Variants in SMC1A observed in about 807,000 individuals in gnomAD.
The protein encoded by SMC1A is structural maintenance of chromosomes 1A.
In SMC1A, 4 loss-of-function variants were observed where a neutral mutation model predicts 94.5. The ratio of observed to expected loss-of-function variants is 0.04; its 90% CI spans 0.02 to 0.10. The LOEUF (loss-of-function observed/expected upper bound fraction) is 0.10, where lower values mean the gene tolerates loss of function less well. Among genes scored for constraint, SMC1A ranks in the 10% least tolerant of loss-of-function variants. The pLI, the probability that SMC1A is intolerant of heterozygous loss-of-function variation, is 1.00. For missense variants in SMC1A, 304 were observed against 989.0 expected (o/e 0.31, Z 9.29); for synonymous variants, 345 against 347.7 (o/e 0.99, Z 0.09).
At chrX:53,422,112 G>A in intron 1 of SMC1A, 3 of 1,107,424 alleles carry the variant, frequency 2.7e-6, no homozygotes, top group East Asian at 3.0e-5. Flanking sequence ...TTCTCCGGAG[G>A]GGGTCAAGTA....
intron 15 of SMC1A, 62 bp downstream of exon 15, chrX:53,403,504 C>T: frequency 1.1e-6 from 1 of 926,654 alleles, no homozygotes; most frequent in African/African-American, 1.9e-5. Flanking sequence ...TCTGGTTTTC[C>T]AAGGATGTCA....
At chrX:53,412,838 C>A (rs1220524455) in intron 5 of SMC1A, 62 bp downstream of exon 5, 29 of 1,206,801 alleles carry the variant, frequency 2.4e-5, no homozygotes, top group Non-Finnish European at 3.0e-5. Flanking sequence ...CTCAGAGGAA[C>A]CCTAATAAAC....
chrX:53,414,890 T>G lies in SMC1A; in HGVS notation c.299-20A>C. 4.2e-6 allele frequency: 5 copies of G among 1,188,054 alleles called. No homozygotes were observed. The highest frequency in any genetic ancestry group is 5.7e-6 in the Non-Finnish European group (5 of 874,438). On this transcript the variant is annotated intron_variant, in intron 2 of 24. Transcript: ENST00000322213. ...AACCTCCTACAAGACAATGCATGAG[T>G]TGGCAAGGGTCAGGCCTCCTTCCTG... is the stretch of plus-strand genomic sequence containing the variant.
At chrX:53,387,243 C>T (rs1556886556) in intron 19 of SMC1A, among the ~76,000 whole-genome samples, 1 of 112,093 alleles carries the variant, frequency 8.9e-6, no homozygotes, top group African/African-American at 3.2e-5. Flanking sequence ...GATCCACCCA[C>T]CTCGGCCTCC....
At chrX:53,400,934 G>A (rs1556888807) in intron 15 of SMC1A, among the ~76,000 whole-genome samples, 1 of 111,187 alleles carries the variant, frequency 9.0e-6, no homozygotes, top group Non-Finnish European at 1.9e-5. Flanking sequence ...TCTGTGATCC[G>A]GCCCCTGCTG....
chrX:53,413,471 C>G (rs781994872), intron 3 of SMC1A, 36 bp from the exon 4 acceptor site: 18 of 1,143,457 alleles, frequency 1.6e-5, no homozygotes, highest in Non-Finnish European at 2.0e-5. Flanking sequence ...ACTTCAGACC[C>G]CAGCCAACCC....
At chrX:53,401,212 C>T (rs2075669261) in intron 15 of SMC1A, among the ~76,000 whole-genome samples, 1 of 111,485 alleles carries the variant, frequency 9.0e-6, no homozygotes, top group South Asian at 3.7e-4. Flanking sequence ...GGGTTCCTCC[C>T]TTTTTAGACT....
chrX:53,383,027 A>C (rs2075591084), intron 20 of SMC1A, 70 bp downstream of exon 20: 1 of 1,020,221 alleles, frequency 9.8e-7, no homozygotes, highest in African/African-American at 1.9e-5. Context: ...GCTGTGATGT[A>C]TAGCAGGCCC....
At chrX:53,416,642 G>A (rs2075733433) in intron 1 of SMC1A, among the ~76,000 whole-genome samples, 1 of 110,377 alleles carries the variant, frequency 9.1e-6, no homozygotes, top group Admixed American at 9.7e-5. Context: ...CGCCCACCTC[G>A]GCCTCCCAAA....
intron 18 of SMC1A, among the ~76,000 whole-genome samples, chrX:53,395,817 AGCTATCACCCTCAG>A (rs1350875011): frequency 4.5e-5 from 5 of 110,838 alleles, no homozygotes; most frequent in African/African-American, 1.6e-4. Context: ...ACTGCAGCTA[AGCTATCACCCTCAG>A]GTCCCCTAGC....
intron 5 of SMC1A, 47 bp from the exon 6 acceptor site, chrX:53,412,300 G>T: frequency 8.4e-7 from 1 of 1,183,918 alleles, no homozygotes; most frequent in East Asian, 3.0e-5. Flanking sequence ...ATGGAAGAAG[G>T]GAGGGTTCCC....
At chrX:53,393,013 A>C (rs889098630) in intron 19 of SMC1A, among the ~76,000 whole-genome samples, 1 of 112,234 alleles carries the variant, frequency 8.9e-6, no homozygotes, top group East Asian at 2.8e-4. Flanking sequence ...TTTTTTGGCA[A>C]GAATACTTCA....
intron 9 of SMC1A, among the ~76,000 whole-genome samples, chrX:53,406,698 T>A (rs964857815): frequency 1.8e-5 from 2 of 111,436 alleles, no homozygotes; most frequent in Admixed American, 9.6e-5. Flanking sequence ...TGTGCCAGTA[T>A]CTTTCTACTC....
rs1175341244 is a variant in SMC1A at position 53,412,825 on chromosome X, G to A, written c.854+75C>T. On this transcript the variant is annotated intron_variant, in intron 5 of 24. Coordinates refer to ENST00000322213, the MANE Select transcript of SMC1A (RefSeq NM_006306.4). ...GAAATGAGTATAGGTACTGAACTCC[G>A]GGCTCAGAGGAACCCTAATAAACAG... 23 of 1,203,287 alleles carry A rather than the reference G, an allele frequency of 1.9e-5. No homozygotes were observed. The East Asian group carries it at 3.6e-4, about 19-fold the overall frequency.
In SMC1A at chrX:53,396,240, ATATCATCCATGGTGCCT is replaced by A; in HGVS notation, c.2832_2848del (p.Lys944AsnfsTer2). The A allele has an allele frequency of 8.3e-7, 1 of 1,210,863 alleles. No homozygotes were observed. ...CACAATACTCACCTCTTCCTGACTA[ATATCATCCATGGTGCCT>A]TTTGACAGTGGCAACTTAATGTCCT... On this transcript the variant is annotated frameshift_variant, in exon 18 of 25. Coordinates refer to ENST00000322213, the MANE Select transcript of SMC1A (RefSeq NM_006306.4). LOFTEE classifies it high-confidence loss of function.
chrX:53,420,208 G>A (rs2075749268), intron 1 of SMC1A, among the ~76,000 whole-genome samples: 1 of 111,933 alleles, frequency 8.9e-6, no homozygotes, highest in Admixed American at 9.5e-5. Flanking sequence ...TCCTCCTAGG[G>A]TCATTTTGAG....
At position 53,412,826 on chromosome X, in the gene SMC1A, G is replaced by C. The variant is rs2075718019; in HGVS notation, c.854+74C>G. On this transcript the variant is annotated intron_variant, in intron 5 of 24. Transcript: ENST00000322213. ...AAATGAGTATAGGTACTGAACTCCG[G>C]GCTCAGAGGAACCCTAATAAACAGC... The C allele has an allele frequency of 1.2e-5, 14 of 1,205,719 alleles. No individual in the cohort carries two copies. The East Asian group carries it at 4.1e-4, about 36-fold the overall frequency.
Position 53,396,371 on chromosome X carries a change from G to C in SMC1A, c.2718C>G (p.Thr906=), listed in dbSNP as rs1556888013. 1.7e-6 allele frequency: 2 copies of C among 1,209,107 alleles called. No homozygotes were observed. Among genetic ancestry groups the C allele is most frequent in the African/African-American group, 3.5e-5 (2 of 56,940 alleles). ...KKLGGANKEM[T]HLQKEVTAIE... Reference sequence around the variant, plus strand: ...TGGCTGTCACCTCCTTCTGTAAATGGGTCATTTCCCTAAAAAAGGTCCAGG... The same window carrying C: ...TGGCTGTCACCTCCTTCTGTAAATGCGTCATTTCCCTAAAAAAGGTCCAGG... Residue 906 remains threonine (T), a synonymous_variant, in exon 18 of 25, where the codon ACC becomes ACG. Transcript: ENST00000322213.
At chrX:53,414,662 G>T in intron 3 of SMC1A, 96 bp downstream of exon 3, 1 of 599,485 alleles carries the variant, frequency 1.7e-6, no homozygotes, top group South Asian at 2.3e-5. Flanking sequence ...ATTAGTTCAA[G>T]GGAGAGATGA....
Sources: gnomAD v4.1 joint callset for allele counts (sites outside exome capture counted in the v4.1 genomes callset) on GRCh38, gnomAD v4.1.1 for gene constraint, MANE v1.5 for transcripts, NCBI Gene and HGNC (gene_info 2026-07-23, HGNC 2026-07-21) for gene names.